The following SMPD4 variants were observed in gnomAD, a reference collection of about 807,000 sequenced individuals.
SMPD4 encodes sphingomyelin phosphodiesterase 4, also known as neutral sphingomyelinase 3.
SMPD4 carries 58 observed loss-of-function variants against 97.8 expected under a neutral mutation model. The ratio of observed to expected loss-of-function variants is 0.59; its 90% CI spans 0.48 to 0.74. The LOEUF is 0.74. Among genes scored for constraint, SMPD4 ranks in the 30% least tolerant of loss-of-function variants. SMPD4 has a pLI of 0.00. For synonymous variants in SMPD4, 388 were observed against 450.0 expected (o/e 0.86, Z 1.74); for missense variants, 853 against 1,080.5 (o/e 0.79, Z 2.95).
chr2:130,176,974 G>A (rs936928450), intron 1 of SMPD4, among the ~76,000 whole-genome samples: 7 of 152,202 alleles, frequency 4.6e-5, no homozygotes, highest in Non-Finnish European at 7.3e-5. Context: ...ACAGGTGTGA[G>A]CCACTGCACC....
Position 130,156,662 on chromosome 2 carries a change from T to C in SMPD4, c.1111A>G (p.Arg371Gly), listed in dbSNP as rs1686828741. 1 of 1,613,390 alleles carries C rather than the reference T, an allele frequency of 6.2e-7. No homozygotes were observed. The highest frequency in any genetic ancestry group is 1.3e-5 in the African/African-American group (1 of 74,902). The change falls in exon 13 of 20, where the codon AGG (arginine) becomes GGG (glycine). Residue 371 changes from arginine (R) to glycine (G), a missense_variant. Coordinates refer to ENST00000680298, the MANE Select transcript of SMPD4 (RefSeq NM_017951.5). ...LEEFKRAAVPRFVQQKLYLFL... is the reference protein window; with the variant it reads ...LEEFKRAAVPGFVQQKLYLFL... Reference sequence around the variant, plus strand: ...AGGTAGAGTTTCTGCTGGACGAACCTCGGGACAGCAGCCCTGCAGGGGATG... The same window carrying C: ...AGGTAGAGTTTCTGCTGGACGAACCCCGGGACAGCAGCCCTGCAGGGGATG...
intron 9 of SMPD4, among the ~76,000 whole-genome samples, chr2:130,165,626 T>C (rs1018667427): frequency 3.9e-5 from 6 of 152,216 alleles, no homozygotes; most frequent in African/African-American, 1.4e-4. Flanking sequence ...ATAAGTACTA[T>C]GTGCTACGCA....
rs546204532 is a variant in SMPD4 at position 130,155,194 on chromosome 2, G to A, written c.1355C>T (p.Ala452Val). Reference protein sequence around the residue: ...TKLFVGFLNRALRTDLVSPKH... With the variant: ...TKLFVGFLNRVLRTDLVSPKH... ...GGGGCTGACCAGGTCTGTGCGGAGC[G>A]CGCGGTTCAGAAAGCCCACAAACAA... Residue 452 changes from alanine to valine, a missense_variant, in exon 15 of 20, where the codon GCG becomes GTG. This residue lies in a region of SMPD4 where 511 missense variants were observed against 608.1 expected (regional missense o/e 0.84). Coordinates refer to ENST00000680298, the MANE Select transcript of SMPD4 (RefSeq NM_017951.5). 79 of 1,613,890 alleles carry A rather than the reference G, an allele frequency of 4.9e-5. No homozygotes were observed. Among genetic ancestry groups the A allele is most frequent in the Admixed American group, 2.5e-4 (15 of 60,022 alleles).
At chr2:130,171,146 T>G (rs1229907248) in intron 8 of SMPD4, among the ~76,000 whole-genome samples, 27 of 151,310 alleles carry the variant, frequency 1.8e-4, no homozygotes, top group Admixed American at 3.3e-4. Flanking sequence ...TTTTTTTTTT[T>G]TGTGTGTGTG....
rs1573718356 is a variant in SMPD4, at chr2:130,171,742, C to G, written c.659+607G>C. On this transcript the variant is annotated intron_variant, in intron 8 of 19. Transcript: ENST00000680298. Reference sequence around the variant, plus strand: ...CAGGAAGGGGCCTGCATGCAGCTTCCTGGGGAAGGCGATGGGCCAGTGAGA... The same window carrying G: ...CAGGAAGGGGCCTGCATGCAGCTTCGTGGGGAAGGCGATGGGCCAGTGAGA... Among the ~76,000 whole-genome samples the G allele has an allele frequency of 3.3e-5, 5 of 152,330 alleles. No individual in the cohort carries two copies. In the South Asian group the frequency reaches 1.0e-3, roughly 32 times the overall value.
Position 130,153,917 on chromosome 2 carries a change from G to A in SMPD4, c.1678C>T (p.Leu560Phe), listed in dbSNP as rs760095175. Residue 560 changes from leucine to phenylalanine, a missense_variant, in exon 17 of 20, where the codon CTC becomes TTC. Physicochemically the swap from Leu to Phe is conservative, Grantham distance 22. Transcript: ENST00000680298. ...ARTLVLRLAQ[L>F]ITQAKHTAKS... is the part of the protein sequence containing the mutation. ...GCTGTGTGTTTGGCCTGTGTGATGA[G>A]CTGAGCGAGGCGCAGGACCTGCAAG... 6.2e-7 allele frequency: 1 copy of A among 1,613,654 alleles called. No individual in the cohort carries two copies. The highest frequency in any genetic ancestry group is 8.5e-7 in the Non-Finnish European group (1 of 1,179,828).
At chr2:130,181,500 C>G (rs1372925588) in intron 1 of SMPD4, 30 bp downstream of exon 1, 1 of 1,585,448 alleles carries the variant, frequency 6.3e-7, no homozygotes, top group South Asian at 1.1e-5. Flanking sequence ...GGCGCCGGAC[C>G]GTCTCAGGCG....
At chr2:130,164,943 C>T (rs773944742) in intron 9 of SMPD4, among the ~76,000 whole-genome samples, 13 of 150,424 alleles carry the variant, frequency 8.6e-5, no homozygotes, top group Non-Finnish European at 1.6e-4. Context: ...TCTGTCTCTA[C>T]AAAAAATACA....
chr2:130,170,149 C>T (rs1573713424), intron 8 of SMPD4, among the ~76,000 whole-genome samples: 2 of 152,212 alleles, frequency 1.3e-5, no homozygotes, highest in Middle Eastern at 6.8e-3. Flanking sequence ...GATTATGACA[C>T]TGCACTCCAG....
intron 1 of SMPD4, among the ~76,000 whole-genome samples, chr2:130,176,933 C>T (rs188010184): frequency 6.6e-6 from 1 of 152,210 alleles, no homozygotes; most frequent in Non-Finnish European, 1.5e-5. Flanking sequence ...TCCACTGATC[C>T]TCCTGCCTTG....
In SMPD4 at chr2:130,153,070, A is replaced by C; in HGVS notation, c.2127T>G (p.Phe709Leu). 6.2e-7 allele frequency: 1 copy of C among 1,612,760 alleles called. No individual in the cohort carries two copies. Among genetic ancestry groups the C allele is most frequent in the East Asian group, 2.2e-5 (1 of 44,884 alleles). Residue 709 changes from phenylalanine (F) to leucine (L), a missense_variant, in exon 19 of 20, where the codon TTT (phenylalanine) becomes TTG (leucine). Physicochemically the swap from Phe to Leu is conservative, Grantham distance 22 (BLOSUM62 0). Transcript: ENST00000680298. ...YEIASLVRTL[F>L]RLSSAINHRF... ...TGTGGTTGATGGCAGACGACAGCCT[A>C]AAGAGTGTGCGGACCAAGCTGGCGA...
chr2:130,155,562 A>AT (rs932124619), intron 14 of SMPD4, among the ~76,000 whole-genome samples: 11 of 152,152 alleles, frequency 7.2e-5, no homozygotes, highest in African/African-American at 2.6e-4. Flanking sequence ...CTCAGGGAGG[A>AT]TCCCCCAGAG....
Position 130,152,245 on chromosome 2 carries a change from A to C in SMPD4, c.*310T>G. On this transcript the variant is annotated 3_prime_UTR_variant, in exon 20 of 20. Transcript: ENST00000680298. ...GGTGCAGCAGAGTAGCCAAATGGGC[A>C]GTGGAAAAAAGGCCCCGAGAGCTGG... 3 of 305,218 alleles carry C rather than the reference A, an allele frequency of 9.8e-6. No individual in the cohort carries two copies. The highest frequency in any genetic ancestry group is 4.6e-5 in the Admixed American group (1 of 21,576). The allele number at this position is 305,218 out of a possible 1,614,324, so 18.9% of individuals were successfully genotyped here.
Position 130,153,805 on chromosome 2 carries a change from C to T in SMPD4, c.1790G>A (p.Gly597Asp). The T allele has an allele frequency of 6.2e-7, 1 of 1,614,024 alleles. No homozygotes were observed. Among genetic ancestry groups the T allele is most frequent in the Non-Finnish European group, 8.5e-7 (1 of 1,179,884 alleles). ...GTCCAGGTCGTTGGCTGTGTAGGAG[C>T]CATTGGTGTCCATGGAGCTAAAGCC... The part of the protein sequence containing the change: ...WLGFSSMDTN[G>D]SYTANDLDEM... The change falls in exon 17 of 20, where the codon GGC (glycine) becomes GAC (aspartate). Residue 597 changes from glycine to aspartate, a missense_variant. Gly to Asp is a moderately conservative substitution (Grantham distance 94). This residue lies in a region of SMPD4 where 511 missense variants were observed against 608.1 expected (regional missense o/e 0.84). Transcript: ENST00000680298.
At chr2:130,164,608 T>C (rs770994681) in intron 9 of SMPD4, among the ~76,000 whole-genome samples, 163 bp from the exon 10 acceptor site, 17 of 151,770 alleles carry the variant, frequency 1.1e-4, no homozygotes, top group Non-Finnish European at 2.1e-4. Flanking sequence ...AAAAAATAAC[T>C]CAAAATGGGT....
chr2:130,181,361 C>A, intron 1 of SMPD4, 169 bp downstream of exon 1: 1 of 1,441,230 alleles, frequency 6.9e-7, no homozygotes, highest in Non-Finnish European at 9.1e-7. Flanking sequence ...AGAGGGGTGG[C>A]AGAAGACTCA....
chr2:130,180,265 C>T (rs1252880794), intron 1 of SMPD4, among the ~76,000 whole-genome samples: 1 of 144,290 alleles, frequency 6.9e-6, no homozygotes, highest in Non-Finnish European at 1.5e-5. Flanking sequence ...GCCCGGCCAG[C>T]TTTCTCTTTT....
At chr2:130,161,379 G>C in intron 10 of SMPD4, 107 bp from the exon 11 acceptor site, 1 of 835,024 alleles carries the variant, frequency 1.2e-6, no homozygotes, top group East Asian at 2.6e-5. Context: ...GGGAAGCGGA[G>C]AGAGAAAGAA....
At chr2:130,155,792 G>C (rs1306486654) in intron 14 of SMPD4, among the ~76,000 whole-genome samples, 2 of 152,156 alleles carry the variant, frequency 1.3e-5, no homozygotes, top group Non-Finnish European at 2.9e-5. Context: ...AGGGAGAGGG[G>C]ACAGGGCAGG....
Sources: gnomAD v4.1 joint callset for allele counts (sites outside exome capture counted in the v4.1 genomes callset) on GRCh38, gnomAD v4.1.1 for gene constraint, gnomAD v4.1.1 regional missense constraint, MANE v1.5 for transcripts, NCBI Gene and HGNC (gene_info 2026-07-23, HGNC 2026-07-21) for gene names.